SLC38A8: variants seen among roughly 807,000 people sequenced by gnomAD.
The protein encoded by SLC38A8 is amino acid transporter SLC38A8.
Under a neutral mutation model 46.0 loss-of-function variants are expected in SLC38A8, and 65 were observed. The ratio of observed to expected loss-of-function variants is 1.41; its 90% CI spans 1.16 to 1.74. The LOEUF (loss-of-function observed/expected upper bound fraction) is 1.74. SLC38A8 is among the 40% of genes most tolerant of loss of function. SLC38A8 has a pLI of 0.00. For missense variants in SLC38A8, 998 were observed against 567.9 expected (o/e 1.76, Z -7.70); for synonymous variants, 447 against 243.7 (o/e 1.83, Z -7.77).
In SLC38A8 at chr16:84,009,804, C is replaced by A. The variant is rs1192634577; in HGVS notation, c.1288G>T (p.Ala430Ser). ...TFIFGQSTAAAVWEMF is the reference protein window; with the variant it reads ...TFIFGQSTAASVWEMF ...GCCCATCAGAACATCTCCCAGACCGCTGCCGCCGTGCTCTGCCCAAAGATG... is the reference window on the plus strand; with the variant it reads ...GCCCATCAGAACATCTCCCAGACCGATGCCGCCGTGCTCTGCCCAAAGATG... The change falls in exon 11 of 11, where the codon GCG (alanine) becomes TCG (serine). Residue 430 changes from alanine to serine, a missense_variant. Coordinates refer to ENST00000299709, the MANE Select transcript of SLC38A8 (RefSeq NM_001080442.3). 1 of 1,614,092 alleles carries A rather than the reference C, an allele frequency of 6.2e-7. No individual in the cohort carries two copies. Among genetic ancestry groups the A allele is most frequent in the East Asian group, 2.2e-5 (1 of 44,876 alleles).
Position 84,016,617 on chromosome 16 carries a change from A to G in SLC38A8, c.1064T>C (p.Val355Ala). Residue 355 changes from valine (V) to alanine (A), a missense_variant, in exon 9 of 11, where the codon GTC becomes GCC. Val to Ala is a moderately conservative substitution (Grantham distance 64). Coordinates refer to ENST00000299709, the MANE Select transcript of SLC38A8 (RefSeq NM_001080442.3). ...WVRMPLTILW[V>A]TVTLAMALFM... ...CAGCGCCATGGCGAGCGTCACGGTG[A>G]CCCACAGGATGGTCAGCGGCATCCG... 6.2e-7 allele frequency: 1 copy of G among 1,613,928 alleles called. No homozygotes were observed. Among genetic ancestry groups the G allele is most frequent in the Non-Finnish European group, 8.5e-7 (1 of 1,180,036 alleles).
intron 6 of SLC38A8, among the ~76,000 whole-genome samples, chr16:84,023,993 A>AC (rs1375198705): frequency 2.0e-5 from 3 of 152,224 alleles, no homozygotes; most frequent in Non-Finnish European, 4.4e-5. Context: ...CTCAGCCTTG[A>AC]CACGATTGAT....
intron 4 of SLC38A8, among the ~76,000 whole-genome samples, chr16:84,032,608 G>A (rs1222483119): frequency 2.0e-5 from 3 of 152,238 alleles, no homozygotes; most frequent in South Asian, 2.1e-4. Context: ...CAGCAGGCTC[G>A]CTCACACTTG....
chr16:84,028,127 G>A (rs903403425), intron 6 of SLC38A8, among the ~76,000 whole-genome samples: 1 of 152,026 alleles, frequency 6.6e-6, no homozygotes, highest in Admixed American at 6.6e-5. Flanking sequence ...GATGGTCAAG[G>A]GAAGAGACGA....
At chr16:84,031,723 C>A (rs1057141787) in intron 5 of SLC38A8, 144 bp downstream of exon 5, 5 of 698,356 alleles carry the variant, frequency 7.2e-6, no homozygotes, top group East Asian at 5.3e-5. Context: ...TTGCCTTCAC[C>A]GCATCAGAGA....
chr16:84,017,432 C>T, intron 7 of SLC38A8, 145 bp from the exon 8 acceptor site: 1 of 923,894 alleles, frequency 1.1e-6, no homozygotes, highest in Non-Finnish European at 1.6e-6. Flanking sequence ...TAGCCCAAAG[C>T]TTTCCTGTCC....
In SLC38A8 at chr16:84,042,634, T is replaced by C. The variant is rs2085380602; in HGVS notation, c.-86A>G. The C allele has an allele frequency of 6.5e-6, 1 of 154,282 alleles. No individual in the cohort carries two copies. Among genetic ancestry groups the C allele is most frequent in the Non-Finnish European group, 1.4e-5 (1 of 69,426 alleles). 9.6% of individuals were successfully genotyped at this position (154,282 alleles called of 1,614,324 possible). On this transcript the variant is annotated 5_prime_UTR_variant, in exon 1 of 11. The change abolishes an upstream ATG in the 5' untranslated region. Coordinates refer to ENST00000299709, the MANE Select transcript of SLC38A8 (RefSeq NM_001080442.3). ...GCTTACTCCAGGTGGCTCAGTTGCATTTCTTGGGGCCAGAGGGGTGGGAGA... is the reference window on the plus strand; with the variant it reads ...GCTTACTCCAGGTGGCTCAGTTGCACTTCTTGGGGCCAGAGGGGTGGGAGA...
chr16:84,024,530 C>T (rs2085137995), intron 6 of SLC38A8, among the ~76,000 whole-genome samples: 1 of 151,982 alleles, frequency 6.6e-6, no homozygotes. Flanking sequence ...CCTGTAATCC[C>T]AGCACTTTGG....
At chr16:84,009,973 G>T in intron 10 of SLC38A8, 96 bp from the exon 11 acceptor site, 1 of 947,548 alleles carries the variant, frequency 1.1e-6, no homozygotes, top group Non-Finnish European at 1.5e-6. Context: ...GCCCAGTATG[G>T]AGTCATCAAT....
In SLC38A8 at chr16:84,030,467, C is replaced by T. The variant is rs930507486; in HGVS notation, c.633-916G>A. 3.9e-5 allele frequency among the ~76,000 whole-genome samples: 6 copies of T among 152,168 alleles called. No homozygotes were observed. The South Asian group carries it at 6.2e-4, about 16-fold the overall frequency. The stretch of plus-strand genomic sequence containing the variant: ...GCCAACGTCAGCCACGTTTCTCCTG[C>T]CAGCCCGGACCTCTCTCTCTGAACT... On this transcript the variant is annotated intron_variant, in intron 5 of 10. Transcript: ENST00000299709.
At chr16:84,043,074 C>T (rs1321646530), upstream of SLC38A8, among the ~76,000 whole-genome samples, 1 of 152,200 alleles carries the variant, frequency 6.6e-6, no homozygotes, top group African/African-American at 2.4e-5. Flanking sequence ...GAACAGGCTC[C>T]ACCGTCCGCA....
rs8053088 is a variant in SLC38A8, at chr16:84,036,448, C to G, written c.388+254G>C. On this transcript the variant is annotated intron_variant, in intron 3 of 10. Transcript: ENST00000299709. Reference sequence around the variant, plus strand: ...CTCCATTTACTCATCTGTGAAACGACTTATCTCCACTGGATATCCTAATTG... The same window carrying G: ...CTCCATTTACTCATCTGTGAAACGAGTTATCTCCACTGGATATCCTAATTG... Among the ~76,000 whole-genome samples, 94,520 of 152,184 alleles carry G rather than the reference C, an allele frequency of 0.62. 29,878 individuals are homozygous for G. The highest frequency in any genetic ancestry group is 0.85 in the East Asian group (4,406 of 5,166).
chr16:84,022,070 C>G (rs1037184153), intron 7 of SLC38A8, among the ~76,000 whole-genome samples: 1 of 152,218 alleles, frequency 6.6e-6, no homozygotes, highest in Non-Finnish European at 1.5e-5. Flanking sequence ...GGCCCCACGT[C>G]TCAATGCTAC....
chr16:84,022,968 G>A (rs1247273169), intron 6 of SLC38A8, 79 bp from the exon 7 acceptor site: 1 of 1,008,814 alleles, frequency 9.9e-7, no homozygotes, highest in South Asian at 1.7e-5. Flanking sequence ...ATATCCAAAA[G>A]GCGGGAAATG....
rs547013577 is a variant in SLC38A8 at position 84,029,901 on chromosome 16, A to T, written c.633-350T>A. The stretch of plus-strand genomic sequence containing the variant: ...AGGGGCGGGGGCACCCAGAGCATCC[A>T]CCCAGTGATCCCAAATAGCACAAGG... On this transcript the variant is annotated intron_variant, in intron 5 of 10. Transcript: ENST00000299709. 2.0e-5 allele frequency among the ~76,000 whole-genome samples: 3 copies of T among 152,298 alleles called. No individual in the cohort carries two copies. The East Asian group carries it at 5.8e-4, about 29-fold the overall frequency.
At chr16:84,032,696 G>A (rs1215877511) in intron 4 of SLC38A8, among the ~76,000 whole-genome samples, 1 of 152,214 alleles carries the variant, frequency 6.6e-6, no homozygotes, top group African/African-American at 2.4e-5. Flanking sequence ...GGAGGCTCGG[G>A]TTTGCTGCCT....
chr16:84,040,878 C>T (rs1423601319), intron 2 of SLC38A8, among the ~76,000 whole-genome samples: 1 of 152,238 alleles, frequency 6.6e-6, no homozygotes, highest in East Asian at 1.9e-4. Context: ...ACAGGGACCA[C>T]ACTGCGTCAT....
intron 2 of SLC38A8, among the ~76,000 whole-genome samples, chr16:84,037,460 G>A (rs1412133643): frequency 6.6e-6 from 1 of 152,218 alleles, no homozygotes; most frequent in African/African-American, 2.4e-5. Flanking sequence ...GCGTGTCAGT[G>A]CTCAAGAAAT....
At chr16:84,035,103 T>C (rs33995483) in intron 3 of SLC38A8, among the ~76,000 whole-genome samples, 36,386 of 152,050 alleles carry the variant, frequency 0.24, 4,417 homozygotes, top group South Asian at 0.27. Flanking sequence ...AGACCTGGGG[T>C]GGCCCGTATC....
Sources: gnomAD v4.1 joint callset for allele counts (sites outside exome capture counted in the v4.1 genomes callset) on GRCh38, gnomAD v4.1.1 for gene constraint, MANE v1.5 for transcripts, NCBI Gene and HGNC (gene_info 2026-07-23, HGNC 2026-07-21) for gene names.